Variants in SND1 observed in about 807,000 individuals in gnomAD.
SND1 encodes the protein staphylococcal nuclease domain-containing protein 1.
A neutral mutation model predicts 121.7 loss-of-function variants in SND1; 38 were observed. The observed-to-expected ratio is 0.31, with a 90% confidence interval of 0.24 to 0.41. The LOEUF is 0.41. SND1 is among the 10% of genes least tolerant of loss of function. The probability of loss-of-function intolerance (pLI) is 1.00; values close to 1 mark genes in which losing one functional copy is unlikely to be tolerated. For missense variants in SND1, 868 were observed against 1,184.6 expected, an observed-to-expected ratio of 0.73 and a Z score of 3.92; for synonymous variants, 401 against 447.4, an observed-to-expected ratio of 0.90 and a Z score of 1.31.
At chr7:127,928,651 C>T (rs777548366) in intron 14 of SND1, among the ~76,000 whole-genome samples, 1 of 151,782 alleles carries the variant, frequency 6.6e-6, no homozygotes, top group African/African-American at 2.4e-5. Flanking sequence ...GCAAATGGCA[C>T]GATTTCAGCT....
intron 14 of SND1, among the ~76,000 whole-genome samples, chr7:127,920,950 A>T (rs981205463): frequency 6.6e-6 from 1 of 152,190 alleles, no homozygotes; most frequent in Non-Finnish European, 1.5e-5. Context: ...CTAAAAGGCA[A>T]TGACTTCATT....
At chr7:127,898,581 A>G (rs1156256779) in intron 13 of SND1, among the ~76,000 whole-genome samples, 2 of 152,184 alleles carry the variant, frequency 1.3e-5, no homozygotes, top group Non-Finnish European at 2.9e-5. Flanking sequence ...ATATTCCTCA[A>G]TGTGACCTGA....
intron 13 of SND1, among the ~76,000 whole-genome samples, chr7:127,892,619 T>G (rs1483698548): frequency 6.6e-6 from 1 of 152,138 alleles, no homozygotes; most frequent in Admixed American, 6.5e-5. Context: ...CCTTTCCAGC[T>G]CTGTTGTCTA....
intron 10 of SND1, among the ~76,000 whole-genome samples, chr7:127,775,927 A>G (rs922965573): frequency 2.0e-5 from 3 of 152,162 alleles, no homozygotes; most frequent in Non-Finnish European, 4.4e-5. Context: ...CACTTTGCAT[A>G]TGTATTTATA....
intron 9 of SND1, among the ~76,000 whole-genome samples, chr7:127,707,897 A>C (rs886583070): frequency 1.1e-4 from 17 of 151,850 alleles, no homozygotes; most frequent in Non-Finnish European, 2.1e-4. Flanking sequence ...AATATCTCTC[A>C]TAGTTTAGGA....
rs914880209 is a variant in SND1 at position 128,085,125 on chromosome 7, G to A, written c.2234+278G>A. 4.6e-5 allele frequency among the ~76,000 whole-genome samples: 7 copies of A among 152,048 alleles called. No individual in the cohort carries two copies. Among genetic ancestry groups the A allele is most frequent in the Admixed American group, 3.3e-4 (5 of 15,274 alleles). On this transcript the variant is annotated intron_variant, in intron 19 of 23. Transcript: ENST00000354725. The surrounding 1 kb of genome is among the most constrained non-coding windows in gnomAD (Gnocchi z 4.4). ...TTGCTGGCTGGCTGGCTGGCCGGCC[G>A]GCCAGGCTGTCCAGCACACCCCTCA... is the stretch of plus-strand genomic sequence containing the variant.
chr7:128,010,205 A>T (rs563741410), intron 16 of SND1, among the ~76,000 whole-genome samples: 1 of 152,358 alleles, frequency 6.6e-6, no homozygotes, highest in South Asian at 2.1e-4. Flanking sequence ...CACTTGTTGA[A>T]TGCTTATAAT....
intron 16 of SND1, among the ~76,000 whole-genome samples, chr7:128,046,365 G>GTTTT (rs373853260): frequency 6.9e-5 from 8 of 115,274 alleles, no homozygotes; most frequent in Non-Finnish European, 7.1e-5. Flanking sequence ...TTGTTGTTGT[G>GTTTT]TTTTTTTTTT....
intron 10 of SND1, among the ~76,000 whole-genome samples, chr7:127,759,155 A>G (rs1323633479): frequency 6.6e-6 from 1 of 152,188 alleles, no homozygotes; most frequent in Non-Finnish European, 1.5e-5. Context: ...GACAACTTGC[A>G]GACAAGTCAA....
chr7:127,980,826 G>A (rs989347313), intron 15 of SND1, among the ~76,000 whole-genome samples: 2 of 152,068 alleles, frequency 1.3e-5, no homozygotes, highest in Admixed American at 6.6e-5. Context: ...GATCCATAGG[G>A]GTATTTCCTG....
chr7:127,703,439 TGTG>T (rs1796138205), intron 7 of SND1, 116 bp downstream of exon 7: 1 of 1,251,030 alleles, frequency 8.0e-7, no homozygotes, highest in Admixed American at 2.4e-5. Context: ...ATTGGCCAGT[TGTG>T]GTGGCTCACG....
chr7:127,801,627 C>T (rs1798129332), intron 10 of SND1, among the ~76,000 whole-genome samples: 1 of 152,180 alleles, frequency 6.6e-6, no homozygotes, highest in African/African-American at 2.4e-5. Context: ...CTCCTTTGCT[C>T]ACCACTAGAC....
chr7:127,849,311 G>A (rs1393743731), intron 12 of SND1, among the ~76,000 whole-genome samples: 1 of 152,148 alleles, frequency 6.6e-6, no homozygotes, highest in African/African-American at 2.4e-5. Context: ...ATTTTCTGAG[G>A]TGACCTTTCC....
intron 10 of SND1, among the ~76,000 whole-genome samples, chr7:127,756,259 A>G (rs1024007072): frequency 1.5e-4 from 23 of 152,162 alleles, no homozygotes; most frequent in African/African-American, 5.6e-4. Flanking sequence ...TTTGATCTGT[A>G]GTATTTTTTT....
intron 16 of SND1, among the ~76,000 whole-genome samples, chr7:128,023,611 A>G (rs1398885690): frequency 1.3e-5 from 2 of 152,172 alleles, no homozygotes; most frequent in Non-Finnish European, 2.9e-5. Context: ...TCCTGGGAGG[A>G]TAAGTATAAC....
At chr7:128,032,734 G>C (rs1180738718) in intron 16 of SND1, among the ~76,000 whole-genome samples, 1 of 152,040 alleles carries the variant, frequency 6.6e-6, no homozygotes, top group Non-Finnish European at 1.5e-5. Context: ...ACGGCGGCCG[G>C]GGCCACGAGG....
chr7:127,890,034 G>A (rs147639807), intron 13 of SND1, among the ~76,000 whole-genome samples: 2 of 152,098 alleles, frequency 1.3e-5, no homozygotes, highest in Non-Finnish European at 2.9e-5. Context: ...TTTTTAGGCG[G>A]TATATACCCA....
At chr7:128,030,674 G>A (rs775856905) in intron 16 of SND1, 3 of 1,523,380 alleles carry the variant, frequency 2.0e-6, no homozygotes, top group South Asian at 2.6e-5. Context: ...CATCGCCTGG[G>A]ATTTTGGCTC....
intron 15 of SND1, among the ~76,000 whole-genome samples, chr7:127,950,131 A>C (rs957137146): frequency 3.3e-5 from 5 of 152,146 alleles, no homozygotes; most frequent in Non-Finnish European, 7.3e-5. Context: ...GAGAATTTGC[A>C]TTTCTAGCAA....
Sources: gnomAD v4.1 joint callset for allele counts (sites outside exome capture counted in the v4.1 genomes callset) on GRCh38, gnomAD v4.1.1 for gene constraint, Gnocchi (gnomAD v3.1) non-coding constraint, MANE v1.5 for transcripts, NCBI Gene and HGNC (gene_info 2026-07-23, HGNC 2026-07-21) for gene names.